Variants in PHACTR3 observed in about 807,000 individuals in gnomAD.
PHACTR3 encodes protein phosphatase 1, regulatory subunit 123.
In PHACTR3, 16 loss-of-function variants were observed where a neutral mutation model predicts 66.8. The observed-to-expected ratio is 0.24, with a 90% CI of 0.16 to 0.36. The LOEUF (loss-of-function observed/expected upper bound fraction) is 0.36. PHACTR3 is among the 10% of genes least tolerant of loss of function. PHACTR3 has a pLI of 1.00. For missense variants in PHACTR3, 647 were observed against 719.9 expected (o/e 0.90, Z 1.16); for synonymous variants, 323 against 292.1 (o/e 1.11, Z -1.08).
chr20:59,682,034 AAG>A (rs1323610314), intron 1 of PHACTR3, among the ~76,000 whole-genome samples: 32 of 151,782 alleles, frequency 2.1e-4, no homozygotes, highest in African/African-American at 7.7e-4. Context: ...GAAAGAAAGA[AAG>A]AAAAAAATAA....
chr20:59,821,434 G>A (rs1183347874), intron 8 of PHACTR3, among the ~76,000 whole-genome samples: 2 of 152,158 alleles, frequency 1.3e-5, no homozygotes, highest in Non-Finnish European at 2.9e-5. Context: ...TCCCAAAGGG[G>A]CATACATCTC....
intron 1 of PHACTR3, among the ~76,000 whole-genome samples, chr20:59,681,967 G>T (rs937431889): frequency 1.7e-4 from 26 of 151,548 alleles, no homozygotes; most frequent in African/African-American, 6.3e-4. Context: ...CAGAGATCGT[G>T]CCATTGCACC....
intron 9 of PHACTR3, among the ~76,000 whole-genome samples, chr20:59,838,308 G>C (rs1342599904): frequency 6.6e-6 from 1 of 152,146 alleles, no homozygotes; most frequent in African/African-American, 2.4e-5. Context: ...AGATACACAG[G>C]ACTTCAAGCA....
In PHACTR3 at chr20:59,648,941, G is replaced by A. The variant is rs181649178; in HGVS notation, c.118+43809G>A. 2.5e-3 allele frequency among the ~76,000 whole-genome samples: 374 copies of A among 152,246 alleles called. 3 individuals carry two copies. Among genetic ancestry groups the A allele is most frequent in the African/African-American group, 8.4e-3 (348 of 41,534 alleles). On this transcript the variant is annotated intron_variant, in intron 1 of 12. Transcript: ENST00000371015. ...TAGGAGGAGAGAGTCCTGTTGTTCC[G>A]GCTTGGGAATGTCTGTGTTTACATG...
intron 3 of PHACTR3, among the ~76,000 whole-genome samples, chr20:59,753,329 T>C (rs967291450): frequency 1.3e-5 from 2 of 152,158 alleles, no homozygotes; most frequent in African/African-American, 4.8e-5. Context: ...ACTTCTGGCA[T>C]GGCTGACCTT....
At chr20:59,724,563 G>T (rs1484043761) in intron 1 of PHACTR3, among the ~76,000 whole-genome samples, 1 of 152,122 alleles carries the variant, frequency 6.6e-6, no homozygotes, top group African/African-American at 2.4e-5. Flanking sequence ...TGCGTGGCCG[G>T]CAGGGACCTG....
intron 7 of PHACTR3, among the ~76,000 whole-genome samples, chr20:59,787,823 A>C (rs1367827286): frequency 6.6e-6 from 1 of 152,196 alleles, no homozygotes; most frequent in Non-Finnish European, 1.5e-5. Flanking sequence ...CCTCTTTGTG[A>C]CAGGTAGTGA....
At chr20:59,599,305 T>C (rs979416304) in intron 1 of PHACTR3, among the ~76,000 whole-genome samples, 16 of 152,082 alleles carry the variant, frequency 1.1e-4, no homozygotes, top group African/African-American at 2.9e-4. Flanking sequence ...ACAACAAAAA[T>C]CCCCGTGCCT....
intron 4 of PHACTR3, among the ~76,000 whole-genome samples, chr20:59,760,154 A>T (rs74366993): frequency 0.022 from 3,391 of 152,274 alleles, 57 homozygotes; most frequent in Non-Finnish European, 0.035. Flanking sequence ...CTGGAGTTGC[A>T]GCTTCCCCGT....
In PHACTR3 at chr20:59,707,219, C is replaced by T. The variant is rs541366572; in HGVS notation, c.119-35888C>T. 4.6e-5 allele frequency among the ~76,000 whole-genome samples: 7 copies of T among 152,308 alleles called. No homozygotes were observed. In the South Asian group the frequency reaches 1.5e-3, roughly 32 times the overall value. On this transcript the variant is annotated intron_variant, in intron 1 of 12. Coordinates refer to ENST00000371015, the MANE Select transcript of PHACTR3 (RefSeq NM_080672.5). ...GGCTTCATCCCCCATCAGGTTCTCC[C>T]CATAAGGGAGGAAATGACTGTGTAG...
intron 2 of PHACTR3, among the ~76,000 whole-genome samples, chr20:59,747,436 G>A (rs1366631349): frequency 6.6e-6 from 1 of 152,238 alleles, no homozygotes; most frequent in South Asian, 2.1e-4. Flanking sequence ...GGAACATTTG[G>A]TGAAGGGCAG....
rs769388244 is a variant in PHACTR3, at chr20:59,747,964, C to A, written c.358+129C>A. 36 of 995,762 alleles carry A rather than the reference C, an allele frequency of 3.6e-5. No individual in the cohort carries two copies. The Admixed American group carries it at 8.9e-4, about 25-fold the overall frequency. The allele number at this position is 995,762 out of a possible 1,614,324, so 61.7% of individuals were successfully genotyped here. A position where few individuals can be genotyped will look rare whatever the true frequency, so the allele number is the denominator to read the frequency against. On this transcript the variant is annotated intron_variant, in intron 3 of 12. Transcript: ENST00000371015. ...AAGGAGGGCCGTGTTCAGATGAAGC[C>A]TGCAAGGTTGGAGAGACACCCCATG...
At chr20:59,591,389 C>G (rs1250574294) in intron 1 of PHACTR3, among the ~76,000 whole-genome samples, 2 of 152,190 alleles carry the variant, frequency 1.3e-5, no homozygotes, top group Non-Finnish European at 2.9e-5. Context: ...CACTCATCTC[C>G]CAGCTCTGGC....
chr20:59,780,819 T>G (rs550350586), intron 7 of PHACTR3, among the ~76,000 whole-genome samples: 7 of 152,204 alleles, frequency 4.6e-5, no homozygotes, highest in Non-Finnish European at 1.0e-4. Context: ...AACCTCTCTG[T>G]GCTTCAGTTC....
rs532091673 is a variant in PHACTR3, at chr20:59,688,013, G to A, written c.119-55094G>A. 2.0e-5 allele frequency among the ~76,000 whole-genome samples: 3 copies of A among 152,310 alleles called. No individual in the cohort carries two copies. In the East Asian group the frequency reaches 5.8e-4, roughly 29 times the overall value. ...TGATTTCTCTTTTCTAACAAGCAGA[G>A]AGCAGCCTCAGGCACAGAACCCTTG... On this transcript the variant is annotated intron_variant, in intron 1 of 12. Transcript: ENST00000371015.
intron 1 of PHACTR3, among the ~76,000 whole-genome samples, chr20:59,597,612 T>C (rs764460376): frequency 2.6e-5 from 4 of 152,242 alleles, no homozygotes; most frequent in East Asian, 1.9e-4. Context: ...ATGGCAATCA[T>C]TGTAAAGTTT....
intron 1 of PHACTR3, among the ~76,000 whole-genome samples, chr20:59,622,867 A>AGTGTC (rs1227228004): frequency 6.6e-6 from 1 of 150,992 alleles, no homozygotes; most frequent in Non-Finnish European, 1.5e-5. Flanking sequence ...TGCTATCCAG[A>AGTGTC]GTGTCTGGGC....
chr20:59,622,233 G>C (rs1283295630), intron 1 of PHACTR3, among the ~76,000 whole-genome samples: 1 of 151,652 alleles, frequency 6.6e-6, no homozygotes, highest in Non-Finnish European at 1.5e-5. Context: ...CATCCCTCCT[G>C]CAGGGAGCTG....
intron 7 of PHACTR3, among the ~76,000 whole-genome samples, chr20:59,782,669 A>T (rs911662192): frequency 3.0e-4 from 45 of 152,210 alleles, no homozygotes; most frequent in Non-Finnish European, 4.4e-5. Flanking sequence ...TAAAACCACC[A>T]GATCTCATGA....
Sources: gnomAD v4.1 joint callset for allele counts (sites outside exome capture counted in the v4.1 genomes callset) on GRCh38, gnomAD v4.1.1 for gene constraint, MANE v1.5 for transcripts, NCBI Gene and HGNC (gene_info 2026-07-23, HGNC 2026-07-21) for gene names.